NRXN3: variants seen among roughly 807,000 people sequenced by gnomAD.
NRXN3 encodes neurexin III.
NRXN3 carries 32 observed loss-of-function variants against 137.6 expected under a neutral mutation model. The observed-to-expected ratio is 0.23, with a 90% CI of 0.18 to 0.31. NRXN3 has a LOEUF of 0.31. Among genes scored for constraint, NRXN3 ranks in the 10% least tolerant of loss-of-function variants. The pLI is 1.00. For synonymous variants in NRXN3, 798 were observed against 784.5 expected, an observed-to-expected ratio of 1.02 and a Z score of -0.29; for missense variants, 1,574 against 2,062.5, an observed-to-expected ratio of 0.76 and a Z score of 4.59.
intron 15 of NRXN3, among the ~76,000 whole-genome samples, chr14:79,160,532 C>T (rs748885146): frequency 2.6e-5 from 4 of 152,024 alleles, no homozygotes; most frequent in South Asian, 2.1e-4. Flanking sequence ...AAAATCCTTC[C>T]CTCCTTTACT....
chr14:79,007,735 G>A (rs2099556216), intron 15 of NRXN3, among the ~76,000 whole-genome samples: 1 of 148,684 alleles, frequency 6.7e-6, no homozygotes, highest in African/African-American at 2.5e-5. Flanking sequence ...GAACCCGGGA[G>A]GCAGAGCTTG....
chr14:79,303,042 T>C lies in NRXN3; in HGVS notation c.3263-164179T>C, dbSNP rs555536394. ...TCCAAACCGTATCAACAGGGAACTA[T>C]AGCTCAGGGAGGTTAAGTAACTTAC... is the stretch of plus-strand genomic sequence containing the variant. On this transcript the variant is annotated intron_variant, in intron 15 of 20. Transcript: ENST00000335750. 5.9e-5 allele frequency among the ~76,000 whole-genome samples: 9 copies of C among 152,088 alleles called. No individual in the cohort carries two copies. In the South Asian group the frequency reaches 1.9e-3, roughly 32 times the overall value.
At chr14:79,706,852 T>C (rs1002343823) in intron 19 of NRXN3, among the ~76,000 whole-genome samples, 8 of 152,168 alleles carry the variant, frequency 5.3e-5, no homozygotes, top group African/African-American at 1.9e-4. Context: ...AGCTAAGTGA[T>C]TGTACTCAAC....
chr14:79,565,332 T>C (rs1341411976), intron 16 of NRXN3, among the ~76,000 whole-genome samples: 1 of 144,792 alleles, frequency 6.9e-6, no homozygotes, highest in African/African-American at 2.6e-5. Context: ...TGTGTATATA[T>C]ATATACATAT....
At chr14:78,691,430 G>A (rs1347983339) in intron 6 of NRXN3, among the ~76,000 whole-genome samples, 1 of 152,066 alleles carries the variant, frequency 6.6e-6, no homozygotes, top group Non-Finnish European at 1.5e-5. Context: ...AGAAATAAAA[G>A]CTAAGTGTCT....
intron 4 of NRXN3, among the ~76,000 whole-genome samples, chr14:78,530,400 T>C (rs1228785647): frequency 1.3e-5 from 2 of 152,112 alleles, no homozygotes; most frequent in Non-Finnish European, 2.9e-5. Flanking sequence ...CCTTTTTATT[T>C]CCCCTTTCCC....
Position 79,021,126 on chromosome 14 carries a change from G to C in NRXN3, c.3262+32985G>C, listed in dbSNP as rs141369861. ...CTCACTGTGATCCAGGGACTATGTT[G>C]GACACTTGATACCTATGTTATCATA... On this transcript the variant is annotated intron_variant, in intron 15 of 20. Transcript: ENST00000335750. Among the ~76,000 whole-genome samples the C allele has an allele frequency of 3.6e-3, 541 of 151,890 alleles. 5 individuals are homozygous for C. The highest frequency in any genetic ancestry group is 5.8e-3 in the Non-Finnish European group (397 of 68,008).
chr14:79,548,387 C>T (rs1601941333), intron 16 of NRXN3, among the ~76,000 whole-genome samples: 1 of 152,124 alleles, frequency 6.6e-6, no homozygotes, highest in African/African-American at 2.4e-5. Context: ...TTTATGGCTG[C>T]ATAATATTCC....
At chr14:78,942,334 T>C (rs2099354731) in intron 10 of NRXN3, among the ~76,000 whole-genome samples, 1 of 152,212 alleles carries the variant, frequency 6.6e-6, no homozygotes, top group Non-Finnish European at 1.5e-5. Flanking sequence ...CTCTTAACTC[T>C]TCCTGTCTTA....
intron 4 of NRXN3, among the ~76,000 whole-genome samples, chr14:78,635,655 C>T (rs2097561089): frequency 6.6e-6 from 1 of 152,152 alleles, no homozygotes; most frequent in African/African-American, 2.4e-5. Flanking sequence ...AGTGTGACAG[C>T]ATGGCATTTG....
chr14:78,544,174 A>C (rs1197479000), intron 4 of NRXN3, among the ~76,000 whole-genome samples: 1 of 152,190 alleles, frequency 6.6e-6, no homozygotes, highest in Non-Finnish European at 1.5e-5. Flanking sequence ...AGCTCAGGCA[A>C]ATGCTATCAA....
chr14:78,451,854 C>T (rs192649095), intron 4 of NRXN3, among the ~76,000 whole-genome samples: 289 of 152,260 alleles, frequency 1.9e-3, no homozygotes, highest in Non-Finnish European at 3.3e-3. Flanking sequence ...TATTTGCAGG[C>T]GTTAGAATGG....
chr14:78,238,894 A>G (rs1567046925), intron 1 of NRXN3, among the ~76,000 whole-genome samples: 2 of 152,250 alleles, frequency 1.3e-5, no homozygotes, highest in Admixed American at 6.5e-5. Flanking sequence ...AAGCAGGCTA[A>G]GTGCCCATGA....
intron 4 of NRXN3, among the ~76,000 whole-genome samples, chr14:78,579,939 C>A (rs563072544): frequency 6.6e-6 from 1 of 152,138 alleles, no homozygotes; most frequent in Non-Finnish European, 1.5e-5. Context: ...TCGAAAATTA[C>A]AGTAATAATT....
intron 4 of NRXN3, among the ~76,000 whole-genome samples, chr14:78,518,821 C>A (rs2096248016): frequency 1.3e-5 from 2 of 152,050 alleles, no homozygotes. Context: ...CCAAAGCATA[C>A]CCCAGAACAA....
intron 15 of NRXN3, among the ~76,000 whole-genome samples, chr14:79,269,042 TC>T (rs2078893150): frequency 1.4e-5 from 2 of 145,500 alleles, no homozygotes; most frequent in East Asian, 2.1e-4. Context: ...TTTTTATTTT[TC>T]TTATTTTATT....
At chr14:79,022,629 C>G (rs2099591554) in intron 15 of NRXN3, among the ~76,000 whole-genome samples, 1 of 152,128 alleles carries the variant, frequency 6.6e-6, no homozygotes, top group Non-Finnish European at 1.5e-5. Flanking sequence ...CTTGCATTTT[C>G]TTTGCCACAC....
intron 4 of NRXN3, among the ~76,000 whole-genome samples, chr14:78,328,571 C>G (rs1466095787): frequency 6.6e-6 from 1 of 152,182 alleles, no homozygotes; most frequent in East Asian, 1.9e-4. Context: ...TGAATTTGAT[C>G]ATTTATTTAG....
At chr14:79,101,026 G>A (rs1479517413) in intron 15 of NRXN3, among the ~76,000 whole-genome samples, 2 of 152,072 alleles carry the variant, frequency 1.3e-5, no homozygotes, top group Non-Finnish European at 2.9e-5. Flanking sequence ...TTTTTCCTAA[G>A]GGGCAGATAA....
Sources: allele counts gnomAD v4.1 joint callset (sites outside exome capture counted in the v4.1 genomes callset), GRCh38; gene constraint gnomAD v4.1.1; transcripts MANE v1.5; gene names NCBI Gene and HGNC (gene_info 2026-07-23, HGNC 2026-07-21).